MAPK4: variants seen among roughly 807,000 people sequenced by gnomAD.
MAPK4 encodes mitogen-activated protein kinase 4, also known as Erk3-related.
Under a neutral mutation model 47.7 loss-of-function variants are expected in MAPK4, and 22 were observed. The observed-to-expected ratio is 0.46, with a 90% CI of 0.33 to 0.66. The LOEUF is 0.66. MAPK4 is among the 30% of genes least tolerant of loss of function. MAPK4 has a pLI of 0.02. For synonymous variants in MAPK4, 390 were observed against 365.7 expected, an observed-to-expected ratio of 1.07 and a Z score of -0.76; for missense variants, 736 against 831.7, an observed-to-expected ratio of 0.88 and a Z score of 1.42.
At chr18:50,619,168 A>G (rs1171399664) in intron 1 of MAPK4, among the ~76,000 whole-genome samples, 2 of 152,254 alleles carry the variant, frequency 1.3e-5, no homozygotes, top group Admixed American at 6.5e-5. Flanking sequence ...CTAAAGGTAT[A>G]GGAAGTCCTG....
At chr18:50,716,054 C>T (rs373685579) in intron 3 of MAPK4, among the ~76,000 whole-genome samples, 8 of 152,190 alleles carry the variant, frequency 5.3e-5, no homozygotes, top group South Asian at 4.1e-4. Context: ...TCCTCCATGA[C>T]GTCTCTCCTA....
rs954193906 is a variant in MAPK4 at position 50,714,905 on chromosome 18, C to A, written c.547-174C>A. ...TTTCAACCCCACAAACCAGGCCCAG[C>A]CCCTCTAACCAGACGTCTGTTCACT... On this transcript the variant is annotated intron_variant, in intron 2 of 5. Transcript: ENST00000400384. Among the ~76,000 whole-genome samples, 4 of 152,136 alleles carry A rather than the reference C, an allele frequency of 2.6e-5. No individual in the cohort carries two copies. The East Asian group carries it at 7.7e-4, about 29-fold the overall frequency.
intron 1 of MAPK4, among the ~76,000 whole-genome samples, chr18:50,576,865 G>C (rs1184783294): frequency 7.2e-5 from 11 of 152,164 alleles, no homozygotes; most frequent in Non-Finnish European, 1.5e-5. Context: ...AATGCAAGTA[G>C]GCATAGTTGG....
intron 1 of MAPK4, among the ~76,000 whole-genome samples, chr18:50,632,212 G>A (rs1385238674): frequency 1.3e-5 from 2 of 152,178 alleles, no homozygotes; most frequent in African/African-American, 4.8e-5. Context: ...CCTCCTCTTT[G>A]CTGGCAAAAG....
At chr18:50,706,279 A>G (rs948644845) in intron 2 of MAPK4, 11 of 152,128 alleles carry the variant, frequency 7.2e-5, no homozygotes, top group African/African-American at 2.7e-4. Flanking sequence ...TGAAAATACT[A>G]CTTACCTTTC....
chr18:50,678,193 G>C lies in MAPK4; in HGVS notation c.546+13689G>C, dbSNP rs1908383890. Among the ~76,000 whole-genome samples, 2 of 152,226 alleles carry C rather than the reference G, an allele frequency of 1.3e-5. No homozygotes were observed. The highest frequency in any genetic ancestry group is 4.1e-4 in the South Asian group (2 of 4,836). On this transcript the variant is annotated intron_variant, in intron 2 of 5. Transcript: ENST00000400384. The surrounding 1 kb of genome is among the most constrained non-coding windows in gnomAD (Gnocchi z 4.2). ...CTAAGATACCGATAAAGGGAGTGAAGATGAGTGGGAACAAGTCAGAAAATT... is the reference window on the plus strand; with the variant it reads ...CTAAGATACCGATAAAGGGAGTGAACATGAGTGGGAACAAGTCAGAAAATT...
chr18:50,650,096 T>C (rs2043032411), intron 1 of MAPK4, among the ~76,000 whole-genome samples: 1 of 152,198 alleles, frequency 6.6e-6, no homozygotes, highest in Non-Finnish European at 1.5e-5. Context: ...ACTGGCAGGA[T>C]TGCATTTGTC....
At chr18:50,724,856 C>T (rs1911109356) in intron 4 of MAPK4, among the ~76,000 whole-genome samples, 1 of 152,244 alleles carries the variant, frequency 6.6e-6, no homozygotes, top group South Asian at 2.1e-4. Flanking sequence ...ATTTCTCCCT[C>T]TCCATGTGGG....
chr18:50,568,089 G>A (rs959429920), intron 1 of MAPK4, among the ~76,000 whole-genome samples: 10 of 151,758 alleles, frequency 6.6e-5, no homozygotes, highest in South Asian at 4.2e-4. Context: ...CCAGCTACTC[G>A]GGAGGCTGAG....
chr18:50,718,099 G>T (rs577376785), intron 3 of MAPK4, among the ~76,000 whole-genome samples: 76 of 152,312 alleles, frequency 5.0e-4, no homozygotes, highest in African/African-American at 1.7e-3. Context: ...AGGTGATTTG[G>T]TTTCAAATAA....
At chr18:50,668,978 C>CAAA (rs1907771059) in intron 2 of MAPK4, among the ~76,000 whole-genome samples, 1 of 152,210 alleles carries the variant, frequency 6.6e-6, no homozygotes, top group African/African-American at 2.4e-5. Flanking sequence ...GCGTGGCTGT[C>CAAA]AAAGTGCATT....
intron 1 of MAPK4, among the ~76,000 whole-genome samples, chr18:50,571,915 A>G (rs1194394742): frequency 6.6e-6 from 1 of 152,252 alleles, no homozygotes; most frequent in African/African-American, 2.4e-5. Flanking sequence ...GTAAAGTATT[A>G]TAGCTCATTC....
chr18:50,705,729 A>G (rs1309041025), intron 2 of MAPK4: 2 of 152,284 alleles, frequency 1.3e-5, no homozygotes, highest in East Asian at 3.9e-4. Context: ...CATGTCTTCT[A>G]CCACATGGCC....
At chr18:50,592,083 G>A (rs889764568) in intron 1 of MAPK4, among the ~76,000 whole-genome samples, 3 of 152,216 alleles carry the variant, frequency 2.0e-5, no homozygotes, top group African/African-American at 7.2e-5. Context: ...CAAGCTGGCA[G>A]AAGGCAATTA....
chr18:50,650,929 A>G (rs2043042080), intron 1 of MAPK4, among the ~76,000 whole-genome samples: 1 of 152,190 alleles, frequency 6.6e-6, no homozygotes, highest in African/African-American at 2.4e-5. Flanking sequence ...CACCTGACGT[A>G]GGATGCCCTG....
chr18:50,576,572 C>G (rs1429678281), intron 1 of MAPK4, among the ~76,000 whole-genome samples: 1 of 152,082 alleles, frequency 6.6e-6, no homozygotes, highest in Non-Finnish European at 1.5e-5. Flanking sequence ...AATCTGTACA[C>G]CAAACTTCTG....
rs1275151343 is a variant in MAPK4 at position 50,729,832 on chromosome 18, C to T, written c.1742C>T (p.Ala581Val). 1 of 1,611,574 alleles carries T rather than the reference C, an allele frequency of 6.2e-7. No homozygotes were observed. Among genetic ancestry groups the T allele is most frequent in the Non-Finnish European group, 8.5e-7 (1 of 1,179,264 alleles). The change falls in exon 6 of 6, where the codon GCC becomes GTC. Residue 581 changes from alanine to valine, a missense_variant. Transcript: ENST00000400384. ...CCTGGCGACCTCGTGCAGACCGAGG[C>T]CTTCTCCAAAGAAAGGTGGTGAGGG... ...EHPGDLVQTE[A>V]FSKERW is the part of the protein sequence containing the mutation.
rs1041008563 is a variant in MAPK4 at position 50,592,331 on chromosome 18, A to G, written c.-871+32088A>G. Among the ~76,000 whole-genome samples, 14 of 152,224 alleles carry G rather than the reference A, an allele frequency of 9.2e-5. No individual in the cohort carries two copies. The East Asian group carries it at 1.5e-3, about 17-fold the overall frequency. Reference sequence around the variant, plus strand: ...AGGAGTTTTTGACAAATAAAAATCTATAAAGAACAGGGCTCGAGGAGAAAC... The same window carrying G: ...AGGAGTTTTTGACAAATAAAAATCTGTAAAGAACAGGGCTCGAGGAGAAAC... On this transcript the variant is annotated intron_variant, in intron 1 of 5. Transcript: ENST00000400384.
intron 1 of MAPK4, among the ~76,000 whole-genome samples, chr18:50,615,555 T>G (rs1598829032): frequency 6.6e-6 from 1 of 152,116 alleles, no homozygotes; most frequent in African/African-American, 2.4e-5. Context: ...GCTGCGCACA[T>G]CAATTCTACA....
Sources: allele counts gnomAD v4.1 joint callset (sites outside exome capture counted in the v4.1 genomes callset), GRCh38; gene constraint gnomAD v4.1.1; non-coding constraint Gnocchi (gnomAD v3.1); transcripts MANE v1.5; gene names NCBI Gene and HGNC (gene_info 2026-07-23, HGNC 2026-07-21).